Variants in LDB2 observed in about 807,000 individuals in gnomAD.
LDB2 encodes the protein LIM domain binding 2, also known as LIM domain-binding protein 2.
A neutral mutation model predicts 44.3 loss-of-function variants in LDB2; 12 were observed. That is an observed-to-expected ratio of 0.27 (90% CI 0.17 to 0.44). LDB2 has a LOEUF of 0.44. Among genes scored for constraint, LDB2 ranks in the 20% least tolerant of loss-of-function variants. The pLI, the probability that LDB2 is intolerant of heterozygous loss-of-function variation, is 1.00. For missense variants in LDB2, 344 were observed against 473.5 expected, an observed-to-expected ratio of 0.73 and a Z score of 2.54; for synonymous variants, 164 against 174.8, an observed-to-expected ratio of 0.94 and a Z score of 0.49.
At chr4:16,891,001 T>A (rs1397237789) in intron 1 of LDB2, among the ~76,000 whole-genome samples, 1 of 152,150 alleles carries the variant, frequency 6.6e-6, no homozygotes, top group Non-Finnish European at 1.5e-5. Flanking sequence ...TTATTTTCCC[T>A]AAGATTCCTA....
chr4:16,537,648 C>T (rs1179977908), intron 5 of LDB2, among the ~76,000 whole-genome samples: 1 of 152,178 alleles, frequency 6.6e-6, no homozygotes, highest in Non-Finnish European at 1.5e-5. Flanking sequence ...CAATTTAGTG[C>T]TCCTAATGTC....
At chr4:16,704,881 ATAAGG>A (rs1754268085) in intron 2 of LDB2, among the ~76,000 whole-genome samples, 1 of 152,190 alleles carries the variant, frequency 6.6e-6, no homozygotes. Flanking sequence ...ATAAAGATGA[ATAAGG>A]TAACATACCT....
At chr4:16,584,650 A>G (rs1716077935) in intron 5 of LDB2, among the ~76,000 whole-genome samples, 1 of 152,180 alleles carries the variant, frequency 6.6e-6, no homozygotes, top group African/African-American at 2.4e-5. Flanking sequence ...GCCCAAACCC[A>G]TACATGATTT....
intron 1 of LDB2, among the ~76,000 whole-genome samples, chr4:16,870,118 C>T (rs1198936977): frequency 2.0e-5 from 3 of 152,068 alleles, no homozygotes; most frequent in Admixed American, 6.6e-5. Context: ...AGGCGATCCA[C>T]GACATTCAGA....
chr4:16,769,896 A>G (rs537323601), intron 1 of LDB2, among the ~76,000 whole-genome samples: 1 of 152,278 alleles, frequency 6.6e-6, no homozygotes, highest in East Asian at 1.9e-4. Context: ...CGCATATTAA[A>G]ATGTGCAGAA....
intron 2 of LDB2, among the ~76,000 whole-genome samples, chr4:16,698,515 A>G (rs1218130125): frequency 6.6e-6 from 1 of 152,136 alleles, no homozygotes; most frequent in Admixed American, 6.5e-5. Context: ...TTCATTATGA[A>G]TGAGGTTGAG....
intron 1 of LDB2, among the ~76,000 whole-genome samples, chr4:16,796,150 T>C (rs1776686881): frequency 6.6e-6 from 1 of 151,966 alleles, no homozygotes; most frequent in East Asian, 1.9e-4. Context: ...TAGCCCGTCA[T>C]GGTGGTGTCG....
intron 1 of LDB2, among the ~76,000 whole-genome samples, chr4:16,835,597 T>TA (rs2110076583): frequency 6.6e-6 from 1 of 152,378 alleles, no homozygotes; most frequent in Admixed American, 6.5e-5. Flanking sequence ...ATATAAGTTT[T>TA]AATTTCCCCT....
Position 16,558,576 on chromosome 4 carries a change from A to G in LDB2, c.615+27346T>C, listed in dbSNP as rs542252947. Among the ~76,000 whole-genome samples, 5 of 152,348 alleles carry G rather than the reference A, an allele frequency of 3.3e-5. No individual in the cohort carries two copies. In the East Asian group the frequency reaches 9.6e-4, roughly 29 times the overall value. Reference sequence around the variant, plus strand: ...GGCACTATGTGAAAAGACCAAATCTACGTCTGATTGGTGTACCTGAAAGTG... The same window carrying G: ...GGCACTATGTGAAAAGACCAAATCTGCGTCTGATTGGTGTACCTGAAAGTG... On this transcript the variant is annotated intron_variant, in intron 5 of 7. Coordinates refer to ENST00000304523, the MANE Select transcript of LDB2 (RefSeq NM_001290.5).
intron 5 of LDB2, among the ~76,000 whole-genome samples, chr4:16,528,476 C>T (rs1402049385): frequency 6.6e-6 from 1 of 152,202 alleles, no homozygotes; most frequent in African/African-American, 2.4e-5. Context: ...GGATGTTGGC[C>T]TTTGGTCTGA....
At chr4:16,508,189 G>A (rs1040555027) in intron 7 of LDB2, among the ~76,000 whole-genome samples, 12 of 152,188 alleles carry the variant, frequency 7.9e-5, no homozygotes, top group Admixed American at 6.5e-4. Context: ...CTCCAATGAT[G>A]GTGCTGAGAG....
intron 1 of LDB2, among the ~76,000 whole-genome samples, chr4:16,863,667 T>G (rs1713541285): frequency 6.9e-6 from 1 of 145,670 alleles, no homozygotes; most frequent in Non-Finnish European, 1.5e-5. Context: ...TTTTTTTTTT[T>G]TTTTTTTTTT....
In LDB2 at chr4:16,873,994, A is replaced by G. The variant is rs78154847; in HGVS notation, c.132+24360T>C. Among the ~76,000 whole-genome samples the G allele has an allele frequency of 1.6e-3, 244 of 152,190 alleles. 2 individuals carry two copies. The highest frequency in any genetic ancestry group is 6.8e-3 in the Middle Eastern group (2 of 294). On this transcript the variant is annotated intron_variant, in intron 1 of 7. Coordinates refer to ENST00000304523, the MANE Select transcript of LDB2 (RefSeq NM_001290.5). ...CGCTGTAGCAATGGATCCAAATTTCATCCTTTTATGGTCCCTATTGTACTG... is the reference window on the plus strand; with the variant it reads ...CGCTGTAGCAATGGATCCAAATTTCGTCCTTTTATGGTCCCTATTGTACTG...
rs184387800 is a variant in LDB2 at position 16,552,683 on chromosome 4, C to T, written c.615+33239G>A. 2.1e-3 allele frequency among the ~76,000 whole-genome samples: 319 copies of T among 152,322 alleles called. 4 individuals carry two copies. The highest frequency in any genetic ancestry group is 1.1e-3 in the Non-Finnish European group (78 of 68,028). On this transcript the variant is annotated intron_variant, in intron 5 of 7. Transcript: ENST00000304523. ...TGACTGCTTTAATATCAAATCCAAG[C>T]AATAGCTCCTTTCTCAAGGAAAGCA...
chr4:16,658,361 C>G (rs550015352), intron 2 of LDB2, among the ~76,000 whole-genome samples: 2 of 152,318 alleles, frequency 1.3e-5, no homozygotes, highest in Non-Finnish European at 2.9e-5. Context: ...CTTGAGGCCT[C>G]TCTTATACCA....
chr4:16,723,379 C>T (rs1014789875), intron 2 of LDB2, among the ~76,000 whole-genome samples: 18 of 152,058 alleles, frequency 1.2e-4, no homozygotes, highest in African/African-American at 3.9e-4. Flanking sequence ...TGAGAGAGCT[C>T]GCTTTTAGAA....
chr4:16,891,464 C>T (rs1365142835), intron 1 of LDB2, among the ~76,000 whole-genome samples: 1 of 151,878 alleles, frequency 6.6e-6, no homozygotes, highest in Non-Finnish European at 1.5e-5. Context: ...AGGCGTGTGC[C>T]ACCATGCCTG....
chr4:16,667,533 C>A (rs967637028), intron 2 of LDB2, among the ~76,000 whole-genome samples: 3 of 152,184 alleles, frequency 2.0e-5, no homozygotes, highest in Non-Finnish European at 4.4e-5. Flanking sequence ...CCACCCACTG[C>A]AAAACAGGAG....
At chr4:16,655,448 C>A (rs1739510446) in intron 2 of LDB2, among the ~76,000 whole-genome samples, 1 of 150,772 alleles carries the variant, frequency 6.6e-6, no homozygotes, top group South Asian at 2.1e-4. Context: ...TAGATGAGTG[C>A]AGCAGTGTGT....
Sources: allele counts gnomAD v4.1 joint callset (sites outside exome capture counted in the v4.1 genomes callset), GRCh38; gene constraint gnomAD v4.1.1; transcripts MANE v1.5; gene names NCBI Gene and HGNC (gene_info 2026-07-23, HGNC 2026-07-21).